Variants in RAD51B observed in about 807,000 individuals in gnomAD.
RAD51B encodes RAD51 paralog B.
RAD51B carries 38 observed loss-of-function variants against 42.2 expected under a neutral mutation model. The ratio of observed to expected loss-of-function variants is 0.90; its 90% confidence interval spans 0.70 to 1.18. The LOEUF is 1.18. Among genes scored for constraint, RAD51B ranks in the 50% most tolerant of loss-of-function variants. RAD51B has a pLI of 0.00. For missense variants in RAD51B, 373 were observed against 400.7 expected (o/e 0.93, Z 0.59); for synonymous variants, 154 against 145.2 (o/e 1.06, Z -0.43).
At chr14:67,901,425 AGTGCAGGTGCAG>A (rs1316844990) in intron 7 of RAD51B, among the ~76,000 whole-genome samples, 1 of 152,174 alleles carries the variant, frequency 6.6e-6, no homozygotes, top group East Asian at 1.9e-4. Context: ...CTACAGGGAC[AGTGCAGGTGCAG>A]TCCTGTGGGT....
chr14:67,950,029 G>A (rs752553581), intron 7 of RAD51B, among the ~76,000 whole-genome samples: 1 of 152,188 alleles, frequency 6.6e-6, no homozygotes, highest in Non-Finnish European at 1.5e-5. Flanking sequence ...CACAGGCCGA[G>A]TAGATTTAGC....
At chr14:68,523,026 C>T (rs2140333657) in intron 10 of RAD51B, among the ~76,000 whole-genome samples, 1 of 152,284 alleles carries the variant, frequency 6.6e-6, no homozygotes. Flanking sequence ...GAATGCTTCC[C>T]CTTCAGCTGA....
chr14:68,567,214 G>A lies in RAD51B; in HGVS notation c.1037-27271G>A, dbSNP rs774892343. The stretch of plus-strand genomic sequence containing the variant: ...CTCGGGAGGCTGAGGCAGGAGAATC[G>A]CTTGAACTTGGACAGCAGAGGTTGC... On this transcript the variant is annotated intron_variant, in intron 10 of 10. Coordinates refer to the RAD51B transcript ENST00000487270. 1.6e-4 allele frequency among the ~76,000 whole-genome samples: 25 copies of A among 152,226 alleles called. No homozygotes were observed. In the East Asian group the frequency reaches 2.9e-3, roughly 18 times the overall value.
chr14:67,995,046 G>A (rs2075357840), intron 7 of RAD51B, among the ~76,000 whole-genome samples: 1 of 152,090 alleles, frequency 6.6e-6, no homozygotes, highest in African/African-American at 2.4e-5. Flanking sequence ...ATTTATATGT[G>A]GTACCTAGAC....
Position 68,272,950 on chromosome 14 carries a change from C to T in RAD51B, c.757-18934C>T, listed in dbSNP as rs1162602888. Among the ~76,000 whole-genome samples, 3 of 151,708 alleles carry T rather than the reference C, an allele frequency of 2.0e-5. No individual in the cohort carries two copies. The East Asian group carries it at 5.8e-4, about 30-fold the overall frequency. ...CCGCCTGCCTCGGCCTCCCAAAGTG[C>T]TGGGATTACAGGCGTGAGCCACTGC... On this transcript the variant is annotated intron_variant, in intron 7 of 10. Transcript: ENST00000471583.
intron 7 of RAD51B, among the ~76,000 whole-genome samples, chr14:68,070,723 C>T (rs940729982): frequency 1.3e-5 from 2 of 150,312 alleles, no homozygotes; most frequent in Non-Finnish European, 3.0e-5. Context: ...ATGCCTCCAG[C>T]TTTGTTCTTT....
rs1487404443 is a variant in RAD51B, at chr14:68,109,379, G to A, written c.757-182505G>A. 3.9e-5 allele frequency among the ~76,000 whole-genome samples: 6 copies of A among 151,960 alleles called. No homozygotes were observed. In the South Asian group the frequency reaches 8.3e-4, roughly 21 times the overall value. ...CTCTCTCTTTTGTAAACATGTTATC[G>A]AAGTAGGTTTTATTTCTTGAATGCT... On this transcript the variant is annotated intron_variant, in intron 7 of 10. Transcript: ENST00000471583.
chr14:68,637,544 G>T (rs181249631), intron 10 of RAD51B, among the ~76,000 whole-genome samples: 1 of 152,192 alleles, frequency 6.6e-6, no homozygotes, highest in Non-Finnish European at 1.5e-5. Flanking sequence ...CCTAGTAATG[G>T]GGAGACGGAG....
At chr14:68,141,573 T>G (rs1379340597) in intron 7 of RAD51B, among the ~76,000 whole-genome samples, 1 of 152,224 alleles carries the variant, frequency 6.6e-6, no homozygotes, top group African/African-American at 2.4e-5. Flanking sequence ...AAATCTCGTG[T>G]GACAACGCTG....
intron 10 of RAD51B, among the ~76,000 whole-genome samples, chr14:68,601,528 A>C (rs1364976978): frequency 6.6e-6 from 1 of 152,216 alleles, no homozygotes. Context: ...AATATAAGGC[A>C]TGATTAAAGG....
intron 10 of RAD51B, among the ~76,000 whole-genome samples, chr14:68,507,772 G>A (rs1231766263): frequency 6.6e-6 from 1 of 152,214 alleles, no homozygotes; most frequent in Non-Finnish European, 1.5e-5. Flanking sequence ...CCAATCAGCT[G>A]TCTTGAACAC....
intron 7 of RAD51B, among the ~76,000 whole-genome samples, chr14:67,992,023 T>A (rs2075303968): frequency 6.6e-6 from 1 of 152,170 alleles, no homozygotes; most frequent in African/African-American, 2.4e-5. Flanking sequence ...GTCATGTTTC[T>A]TTCAAAAAAA....
At chr14:68,324,069 A>G (rs116885498) in intron 8 of RAD51B, among the ~76,000 whole-genome samples, 2,590 of 152,344 alleles carry the variant, frequency 0.017, 39 homozygotes, top group Non-Finnish European at 0.027. Flanking sequence ...TAAACCTCTT[A>G]GAGGATTATA....
intron 10 of RAD51B, among the ~76,000 whole-genome samples, chr14:68,636,530 C>T (rs897598840): frequency 7.2e-6 from 1 of 138,150 alleles, no homozygotes; most frequent in Non-Finnish European, 1.5e-5. Context: ...TTGCAGTGAG[C>T]GGAGATTGTG....
At chr14:68,074,065 C>T (rs2076795697) in intron 7 of RAD51B, among the ~76,000 whole-genome samples, 1 of 152,106 alleles carries the variant, frequency 6.6e-6, no homozygotes, top group Non-Finnish European at 1.5e-5. Flanking sequence ...ATTTGTATGT[C>T]AACCTCTCTA....
chr14:67,989,024 A>G (rs1002717997), intron 7 of RAD51B, among the ~76,000 whole-genome samples: 1 of 152,230 alleles, frequency 6.6e-6, no homozygotes, highest in Non-Finnish European at 1.5e-5. Flanking sequence ...CTATACAATA[A>G]GTATTAGGAC....
chr14:68,680,307 G>A (rs1893399618), intron 11 of RAD51B, among the ~76,000 whole-genome samples: 1 of 152,132 alleles, frequency 6.6e-6, no homozygotes, highest in Non-Finnish European at 1.5e-5. Flanking sequence ...TACTGACTGT[G>A]GAATTGGGAA....
chr14:68,272,988 A>G (rs1341676195), intron 7 of RAD51B, among the ~76,000 whole-genome samples: 1 of 151,592 alleles, frequency 6.6e-6, no homozygotes, highest in Non-Finnish European at 1.5e-5. Context: ...CTGGCCCAAC[A>G]CTTTCTATAT....
chr14:68,390,572 C>T (rs1429160147), intron 8 of RAD51B, among the ~76,000 whole-genome samples: 1 of 152,142 alleles, frequency 6.6e-6, no homozygotes, highest in East Asian at 1.9e-4. Context: ...TGTCTGGGAC[C>T]CTTGGAGACA....
Sources: allele counts gnomAD v4.1 joint callset (sites outside exome capture counted in the v4.1 genomes callset), GRCh38; gene constraint gnomAD v4.1.1; transcripts MANE v1.5; gene names NCBI Gene and HGNC (gene_info 2026-07-23, HGNC 2026-07-21).